HECTD4: variants seen among roughly 807,000 people sequenced by gnomAD.
HECTD4 encodes the protein HECT domain E3 ubiquitin protein ligase 4.
Under a neutral mutation model 471.5 loss-of-function variants are expected in HECTD4, and 114 were observed. That is an observed-to-expected ratio of 0.24 (90% CI 0.21 to 0.28). HECTD4 has a LOEUF of 0.28. HECTD4 is among the 10% of genes least tolerant of loss of function. HECTD4 has a pLI of 1.00. For synonymous variants in HECTD4, 2,012 were observed against 2,256.0 expected (o/e 0.89, Z 3.07); for missense variants, 3,866 against 5,651.5 (o/e 0.68, Z 10.13).
intron 35 of HECTD4, among the ~76,000 whole-genome samples, chr12:112,236,362 G>A (rs535892264): frequency 1.3e-5 from 2 of 152,306 alleles, no homozygotes; most frequent in Non-Finnish European, 2.9e-5. Context: ...TGGAATTTAC[G>A]TTATTTATTC....
intron 7 of HECTD4, among the ~76,000 whole-genome samples, chr12:112,299,118 A>G (rs1446017346): frequency 6.6e-6 from 1 of 152,176 alleles, no homozygotes; most frequent in Admixed American, 6.5e-5. Flanking sequence ...AGAGAATAGT[A>G]CAATGAGCCT....
rs968048830 is a variant in HECTD4 at position 112,269,788 on chromosome 12, G to A, written c.2237C>T (p.Ser746Leu). The A allele has an allele frequency of 4.3e-6, 7 of 1,613,710 alleles. No homozygotes were observed. In the African/African-American group the frequency reaches 6.7e-5, roughly 15 times the overall value. ...CAACAACTGCCAAAGAAGCAATCCC[G>A]ACCGTCGAATGATGTCTCGATTCCT... ...TERNRDIIRR[S>L]GLLLWQLLMA... is the part of the protein sequence containing the mutation. Residue 746 changes from serine (S) to leucine (L), a missense_variant, in exon 13 of 76, where the codon TCG becomes TTG. Ser to Leu is a moderately radical substitution (Grantham distance 145, BLOSUM62 -2). Transcript: ENST00000682272.
At chr12:112,189,496 A>G (rs2032000927) in intron 60 of HECTD4, among the ~76,000 whole-genome samples, 1 of 133,160 alleles carries the variant, frequency 7.5e-6, no homozygotes, top group Non-Finnish European at 1.5e-5. Context: ...ACTTGCAGTG[A>G]GCTAAGATGG....
Position 112,184,450 on chromosome 12 carries a change from C to T in HECTD4, c.10516G>A (p.Asp3506Asn), listed in dbSNP as rs1247924128. ...SSQGISQTVS[D>N]LSVDPLPAGL... ...GCAGGCAGCGGATCCACAGAGAGGT[C>T]GCTGACGGTTTGGGAGATGCCCTGC... Residue 3506 changes from aspartate to asparagine, a missense_variant, in exon 61 of 76, where the codon GAC becomes AAC. Physicochemically the swap from Asp to Asn is conservative, Grantham distance 23 (BLOSUM62 1). This residue lies in a region of HECTD4 where 192 missense variants were observed against 189.9 expected (regional missense o/e 1.01). Transcript: ENST00000682272. The surrounding 1 kb of genome is among the most constrained non-coding windows in gnomAD (Gnocchi z 9.1). The T allele has an allele frequency of 1.2e-6, 2 of 1,605,324 alleles. No homozygotes were observed. The highest frequency in any genetic ancestry group is 2.7e-5 in the African/African-American group (2 of 74,840).
intron 68 of HECTD4, chr12:112,170,732 A>C (rs117008198): frequency 0.021 from 10,442 of 488,708 alleles, 887 homozygotes; most frequent in South Asian, 0.19. Flanking sequence ...AAAAGACAAA[A>C]AGCTGTGTGT....
chr12:112,251,036 A>C lies in HECTD4; in HGVS notation c.3651T>G (p.Asn1217Lys). The change falls in exon 24 of 76, where the codon AAT (asparagine) becomes AAG (lysine). Residue 1217 changes from asparagine (N) to lysine (K), a missense_variant. This residue lies in a region of HECTD4 where 281 missense variants were observed against 499.9 expected (regional missense o/e 0.56). Transcript: ENST00000682272. ...CTTCTTCTTTGGTAATTTCTGGTCC[A>C]TTGTACAGGATTCTTAACATGGAAC... is the stretch of plus-strand genomic sequence containing the variant. Reference protein sequence around the residue: ...LACSMLRILYNGPEITKEEEA... With the variant: ...LACSMLRILYKGPEITKEEEA... 6.2e-7 allele frequency: 1 copy of C among 1,614,030 alleles called. No homozygotes were observed. The highest frequency in any genetic ancestry group is 8.5e-7 in the Non-Finnish European group (1 of 1,179,890).
At chr12:112,304,403 G>A (rs2035233003) in intron 7 of HECTD4, among the ~76,000 whole-genome samples, 1 of 151,900 alleles carries the variant, frequency 6.6e-6, no homozygotes, top group African/African-American at 2.4e-5. Flanking sequence ...GGGACTACAG[G>A]CACATGCCAC....
intron 38 of HECTD4, 98 bp from the exon 39 acceptor site, chr12:112,231,813 C>T: frequency 9.9e-7 from 1 of 1,006,564 alleles, no homozygotes; most frequent in East Asian, 2.6e-5. Context: ...GCAATCCACA[C>T]TCATTTTTTT....
At chr12:112,335,647 C>T (rs569475719) in intron 1 of HECTD4, among the ~76,000 whole-genome samples, 15 of 151,982 alleles carry the variant, frequency 9.9e-5, no homozygotes, top group African/African-American at 3.4e-4. Context: ...AAGATCACAC[C>T]GCTGCTCTCC....
intron 1 of HECTD4, among the ~76,000 whole-genome samples, chr12:112,333,903 G>A (rs945193145): frequency 1.5e-4 from 23 of 152,190 alleles, no homozygotes; most frequent in African/African-American, 5.5e-4. Flanking sequence ...GCTGATGAGA[G>A]AAAACTTCAC....
rs754154819 is a variant in HECTD4, at chr12:112,239,912, T to C, written c.5074A>G (p.Ile1692Val). 20 of 1,614,046 alleles carry C rather than the reference T, an allele frequency of 1.2e-5. No homozygotes were observed. The highest frequency in any genetic ancestry group is 1.6e-4 in the Middle Eastern group (1 of 6,062). Residue 1692 changes from isoleucine to valine, a missense_variant, in exon 33 of 76, where the codon ATT becomes GTT. Transcript: ENST00000682272. This position sits in a 1 kb window ranked among gnomAD's most constrained non-coding sequence, Gnocchi z 4.9. Reference sequence around the variant, plus strand: ...TAAGGTATGGTACATAAGAGTCCAATGCTATTTGCGCAAGCGATAGGGTAA... The same window carrying C: ...TAAGGTATGGTACATAAGAGTCCAACGCTATTTGCGCAAGCGATAGGGTAA... ...ARYPIACANS[I>V]GLLCTIPYTR...
intron 2 of HECTD4, among the ~76,000 whole-genome samples, chr12:112,314,912 G>A (rs2035448060): frequency 6.6e-6 from 1 of 152,166 alleles, no homozygotes. Context: ...AAGTCTAACA[G>A]TATTTCCAGG....
chr12:112,321,512 G>T (rs2135702073), intron 1 of HECTD4, among the ~76,000 whole-genome samples: 1 of 152,344 alleles, frequency 6.6e-6, no homozygotes, highest in East Asian at 1.9e-4. Context: ...CAGAAAGTCA[G>T]GGTGGGAAGA....
chr12:112,303,771 G>T (rs191374880), intron 7 of HECTD4, among the ~76,000 whole-genome samples: 2 of 151,264 alleles, frequency 1.3e-5, no homozygotes, highest in South Asian at 2.1e-4. Context: ...GATCACCTGA[G>T]CCCAGGAGGT....
At chr12:112,328,160 A>T (rs1566113516) in intron 1 of HECTD4, among the ~76,000 whole-genome samples, 1 of 147,036 alleles carries the variant, frequency 6.8e-6, no homozygotes, top group African/African-American at 2.6e-5. Context: ...TTATTTTGAG[A>T]CAGGGTCTTG....
At chr12:112,196,665 A>C (rs1444018092) in intron 55 of HECTD4, among the ~76,000 whole-genome samples, 3 of 152,044 alleles carry the variant, frequency 2.0e-5, no homozygotes, top group African/African-American at 7.2e-5. Flanking sequence ...ATCATAGCTC[A>C]CTGCAGCCTT....
Position 112,184,985 on chromosome 12 carries a change from C to T in HECTD4, c.9981G>A (p.Lys3327=). The change falls in exon 61 of 76, where the codon AAG becomes AAA. Residue 3327 remains lysine (K), a synonymous_variant. Coordinates refer to ENST00000682272, the MANE Select transcript of HECTD4 (RefSeq NM_001388303.1). The surrounding 1 kb of genome is among the most constrained non-coding windows in gnomAD (Gnocchi z 9.1). The part of the protein sequence containing the change: ...MKREKASSSG[K]RQSSRTVDSD... ...AGTCCACGGTGCGGGAAGACTGGCG[C>T]TTGCCCGACGAGGAGGCCTTTTCCC... 2 of 1,612,838 alleles carry T rather than the reference C, an allele frequency of 1.2e-6. No individual in the cohort carries two copies. The highest frequency in any genetic ancestry group is 1.7e-6 in the Non-Finnish European group (2 of 1,179,460).
In HECTD4 at chr12:112,179,051, T is replaced by G; in HGVS notation, c.11243A>C (p.Lys3748Thr). ...ILRKYGVPKPKFDKSKYSKAG... is the reference protein window; with the variant it reads ...ILRKYGVPKPTFDKSKYSKAG... ...CTTGCTGTACTTGCTCTTGTCAAAC[T>G]TGGGCTTTGGCACGCCATACTTCCT... The change falls in exon 64 of 76, where the codon AAG (lysine) becomes ACG (threonine). Residue 3748 changes from lysine to threonine, a missense_variant. Lys to Thr is a moderately conservative substitution (Grantham distance 78). Around this residue, in one of 16 missense-constraint regions of HECTD4, gnomAD observed 715 missense variants for 1,087.6 expected, o/e 0.66. Transcript: ENST00000682272. This position sits in a 1 kb window ranked among gnomAD's most constrained non-coding sequence, Gnocchi z 4.3. 1 of 1,613,956 alleles carries G rather than the reference T, an allele frequency of 6.2e-7. No homozygotes were observed. The highest frequency in any genetic ancestry group is 8.5e-7 in the Non-Finnish European group (1 of 1,179,896).
chr12:112,360,278 C>T (rs2075697004), intron 1 of HECTD4, among the ~76,000 whole-genome samples: 1 of 152,106 alleles, frequency 6.6e-6, no homozygotes, highest in Non-Finnish European at 1.5e-5. Context: ...ATGATTGTAC[C>T]TGTGAATAGC....
Sources: gnomAD v4.1 joint callset for allele counts (sites outside exome capture counted in the v4.1 genomes callset) on GRCh38, gnomAD v4.1.1 for gene constraint, gnomAD v4.1.1 regional missense constraint, Gnocchi (gnomAD v3.1) non-coding constraint, MANE v1.5 for transcripts, NCBI Gene and HGNC (gene_info 2026-07-23, HGNC 2026-07-21) for gene names.